RPTOR: variants seen among roughly 807,000 people sequenced by gnomAD.
RPTOR encodes the protein regulatory-associated protein of mTOR.
In RPTOR, 21 loss-of-function variants were observed where a neutral mutation model predicts 169.9. The observed-to-expected ratio is 0.12, with a 90% CI of 0.09 to 0.18. RPTOR has a LOEUF of 0.18. Among genes scored for constraint, RPTOR ranks in the 10% least tolerant of loss-of-function variants. The pLI, the probability that RPTOR is intolerant of heterozygous loss-of-function variation, is 1.00. For synonymous variants in RPTOR, 732 were observed against 753.2 expected, an observed-to-expected ratio of 0.97 and a Z score of 0.46; for missense variants, 1,133 against 1,855.9, an observed-to-expected ratio of 0.61 and a Z score of 7.16.
intron 10 of RPTOR, among the ~76,000 whole-genome samples, chr17:80,841,171 ACCG>A (rs2067644828): frequency 9.0e-6 from 1 of 110,964 alleles, no homozygotes; most frequent in Admixed American, 8.7e-5. Context: ...GCTCACTCTC[ACCG>A]CACGGCAGCT....
intron 5 of RPTOR, among the ~76,000 whole-genome samples, chr17:80,733,848 T>C (rs1459055384): frequency 1.3e-5 from 2 of 152,254 alleles, no homozygotes; most frequent in African/African-American, 4.8e-5. Flanking sequence ...TTTGTAAACT[T>C]TGTGGTTTCA....
intron 1 of RPTOR, among the ~76,000 whole-genome samples, chr17:80,597,712 CTA>C (rs10597217): frequency 0.059 from 8,897 of 152,074 alleles, 853 homozygotes; most frequent in African/African-American, 0.2. Context: ...CAAGGTCTCA[CTA>C]TGTTGCCCAA....
chr17:80,921,501 G>T (rs59809183), intron 21 of RPTOR, among the ~76,000 whole-genome samples: 50,808 of 152,148 alleles, frequency 0.33, 8,613 homozygotes, highest in East Asian at 0.48. Flanking sequence ...GCCGGGCAGC[G>T]CACGCCCTGC....
intron 7 of RPTOR, 89 bp from the exon 8 acceptor site, chr17:80,822,112 C>A: frequency 8.1e-7 from 1 of 1,229,700 alleles, no homozygotes; most frequent in East Asian, 2.3e-5. Context: ...AGCCTTTCGC[C>A]GCCCGCGCCC....
chr17:80,954,046 C>T lies in RPTOR; in HGVS notation c.3371-3578C>T, dbSNP rs1055220016. ...TGGGGTCTTGCTCTCACTGCAGCCT[C>T]AACCACCTGGGCTCAAGCGGTCATC... On this transcript the variant is annotated intron_variant, in intron 28 of 33. Transcript: ENST00000306801. Among the ~76,000 whole-genome samples the T allele has an allele frequency of 5.9e-5, 9 of 152,372 alleles. No individual in the cohort carries two copies. The South Asian group carries it at 8.3e-4, about 14-fold the overall frequency.
chr17:80,547,025 C>T (rs1156810589), intron 1 of RPTOR, among the ~76,000 whole-genome samples: 1 of 151,700 alleles, frequency 6.6e-6, no homozygotes, highest in Non-Finnish European at 1.5e-5. Flanking sequence ...GCCGAAATCG[C>T]ACCATTGCAC....
At chr17:80,893,321 TGCGCGCGCCAG>T (rs2068351925) in intron 19 of RPTOR, among the ~76,000 whole-genome samples, 4 of 131,242 alleles carry the variant, frequency 3.0e-5, no homozygotes, top group Admixed American at 7.6e-5. Context: ...GCCAGGTGTG[TGCGCGCGCCAG>T]GTGTGTGTGC....
intron 6 of RPTOR, among the ~76,000 whole-genome samples, chr17:80,763,246 TAAA>T (rs534788704): frequency 6.6e-6 from 1 of 150,442 alleles, no homozygotes; most frequent in African/African-American, 2.4e-5. Context: ...ACCCAGTCTC[TAAA>T]AAAAAATAAT....
intron 10 of RPTOR, among the ~76,000 whole-genome samples, chr17:80,838,954 A>C (rs1301564242): frequency 6.6e-6 from 1 of 152,216 alleles, no homozygotes; most frequent in Non-Finnish European, 1.5e-5. Context: ...GGCCCTTGGG[A>C]ATTCATGTGC....
intron 1 of RPTOR, among the ~76,000 whole-genome samples, chr17:80,620,548 C>T (rs546774179): frequency 3.9e-5 from 6 of 152,262 alleles, no homozygotes; most frequent in African/African-American, 4.8e-5. Context: ...CCAGATCACC[C>T]GAGGTCAGGA....
chr17:80,555,303 G>A (rs1462677637), intron 1 of RPTOR, among the ~76,000 whole-genome samples: 1 of 152,168 alleles, frequency 6.6e-6, no homozygotes, highest in African/African-American at 2.4e-5. Flanking sequence ...GAGGATGTTT[G>A]TGAAGAGCCT....
At chr17:80,703,059 G>T (rs1182293477) in intron 3 of RPTOR, among the ~76,000 whole-genome samples, 2 of 152,202 alleles carry the variant, frequency 1.3e-5, no homozygotes, top group Non-Finnish European at 2.9e-5. Flanking sequence ...GTGCTCCAGG[G>T]AGACAGATGT....
In RPTOR at chr17:80,885,017, G is replaced by A. The variant is rs779943676; in HGVS notation, c.1852G>A (p.Ala618Thr). The A allele has an allele frequency of 1.4e-5, 23 of 1,609,192 alleles. No homozygotes were observed. Among genetic ancestry groups the A allele is most frequent in the Admixed American group, 3.4e-5 (2 of 59,558 alleles). The change falls in exon 17 of 34, where the codon GCA (alanine) becomes ACA (threonine). Residue 618 changes from alanine (A) to threonine (T), a missense_variant. Physicochemically the swap from Ala to Thr is moderately conservative, Grantham distance 58. This residue lies in a region of RPTOR where 289 missense variants were observed against 585.8 expected (regional missense o/e 0.49). Coordinates refer to ENST00000306801, the MANE Select transcript of RPTOR (RefSeq NM_020761.3). ...LSDPIPEVRC[A>T]AVFALGTFVG... ...CCCCGCCGCCTTGCAGGTCCGCTGC[G>A]CAGCGGTCTTCGCCCTTGGCACGTT...
intron 13 of RPTOR, among the ~76,000 whole-genome samples, chr17:80,863,243 G>A (rs1031944177): frequency 1.3e-5 from 2 of 152,186 alleles, no homozygotes; most frequent in Admixed American, 1.3e-4. Flanking sequence ...GGGGGCACAT[G>A]AAGAAAGCCG....
In RPTOR at chr17:80,861,523, G is replaced by C. The variant is rs2067916593; in HGVS notation, c.1509+3623G>C. 9.4e-6 allele frequency among the ~76,000 whole-genome samples: 1 copy of C among 106,064 alleles called. No homozygotes were observed. The highest frequency in any genetic ancestry group is 3.0e-4 in the South Asian group (1 of 3,298). The allele number at this position is 106,064 out of a possible 152,430, so 69.6% of individuals were successfully genotyped here. On this transcript the variant is annotated intron_variant, in intron 13 of 33. Coordinates refer to ENST00000306801, the MANE Select transcript of RPTOR (RefSeq NM_020761.3). The surrounding 1 kb of genome is among the most constrained non-coding windows in gnomAD (Gnocchi z 4.5). ...TTGGCAGGAAGTCATTTTGAAACGT[G>C]GTTTCTGTCCTACACCCATATCTTC... is the stretch of plus-strand genomic sequence containing the variant.
intron 20 of RPTOR, among the ~76,000 whole-genome samples, chr17:80,904,153 G>A (rs2068511950): frequency 6.6e-6 from 1 of 152,230 alleles, no homozygotes; most frequent in Non-Finnish European, 1.5e-5. Context: ...GAGGAGGGAG[G>A]GCGGAGCGGC....
At chr17:80,585,190 A>G (rs1937516196) in intron 1 of RPTOR, among the ~76,000 whole-genome samples, 1 of 130,882 alleles carries the variant, frequency 7.6e-6, no homozygotes, top group African/African-American at 3.8e-5. Flanking sequence ...TATTATTATT[A>G]TTATTATTAT....
At position 80,878,987 on chromosome 17, in the gene RPTOR, G is replaced by T. The variant is rs567247656; in HGVS notation, c.1510-1428G>T. ...CCTCCTTCCCCAGGCCCCGTCCCCC[G>T]CCTTGCCCTCTGAAAGTGGTCTTCA... On this transcript the variant is annotated intron_variant, in intron 13 of 33. Transcript: ENST00000306801. This position sits in a 1 kb window ranked among gnomAD's most constrained non-coding sequence, Gnocchi z 4.1. Among the ~76,000 whole-genome samples, 1 of 151,250 alleles carries T rather than the reference G, an allele frequency of 6.6e-6. No individual in the cohort carries two copies. The highest frequency in any genetic ancestry group is 1.5e-5 in the Non-Finnish European group (1 of 67,820).
chr17:80,673,029 C>T (rs2065834035), intron 3 of RPTOR, among the ~76,000 whole-genome samples: 3 of 151,982 alleles, frequency 2.0e-5, no homozygotes, highest in Non-Finnish European at 4.4e-5. Context: ...CGGGTTCAAG[C>T]GAGTCTCATG....
Sources: gnomAD v4.1 joint callset for allele counts (sites outside exome capture counted in the v4.1 genomes callset) on GRCh38, gnomAD v4.1.1 for gene constraint, gnomAD v4.1.1 regional missense constraint, Gnocchi (gnomAD v3.1) non-coding constraint, MANE v1.5 for transcripts, NCBI Gene and HGNC (gene_info 2026-07-23, HGNC 2026-07-21) for gene names.